Variants in DGKI observed in about 807,000 individuals in gnomAD.
DGKI encodes diacylglycerol kinase iota, also known as DAG kinase iota.
Under a neutral mutation model 147.5 loss-of-function variants are expected in DGKI, and 55 were observed. The observed-to-expected ratio is 0.37, with a 90% CI of 0.30 to 0.47. The LOEUF is 0.47. Ranked by LOEUF, DGKI falls within the 20% of genes least tolerant of loss-of-function variation. The pLI is 1.00. For missense variants in DGKI, 1,007 were observed against 1,323.8 expected, an observed-to-expected ratio of 0.76 and a Z score of 3.71; for synonymous variants, 469 against 477.1, an observed-to-expected ratio of 0.98 and a Z score of 0.22.
intron 1 of DGKI, among the ~76,000 whole-genome samples, chr7:137,810,508 GGC>G (rs886142141): frequency 1.1e-4 from 17 of 152,286 alleles, no homozygotes; most frequent in African/African-American, 4.1e-4. Flanking sequence ...GGGACATCAA[GGC>G]CACACCTTGA....
At chr7:137,581,783 A>G in intron 15 of DGKI, 67 bp downstream of exon 15, 1 of 1,353,386 alleles carries the variant, frequency 7.4e-7, no homozygotes. Flanking sequence ...TACAAACAAA[A>G]GGGAACATGC....
intron 23 of DGKI, among the ~76,000 whole-genome samples, chr7:137,476,557 G>T (rs1815178581): frequency 6.6e-6 from 1 of 152,188 alleles, no homozygotes; most frequent in African/African-American, 2.4e-5. Context: ...TAGTTTTAGG[G>T]TTACCTGGAC....
rs143579208 is a variant in DGKI, at chr7:137,765,469, A to G, written c.402-75467T>C. ...TGTCTGCCACAAATTTGATGAGCAC[A>G]CTTCTTGTGCCCTCTTCCAACTTGC... On this transcript the variant is annotated intron_variant, in intron 1 of 32. Coordinates refer to ENST00000614521, the MANE Select transcript of DGKI (RefSeq NM_001321708.2). 2.0e-3 allele frequency among the ~76,000 whole-genome samples: 309 copies of G among 152,326 alleles called. 1 individual carries two copies. Among genetic ancestry groups the G allele is most frequent in the African/African-American group, 7.2e-3 (298 of 41,548 alleles).
intron 32 of DGKI, among the ~76,000 whole-genome samples, chr7:137,393,469 G>A (rs949802256): frequency 6.6e-6 from 1 of 152,140 alleles, no homozygotes; most frequent in Non-Finnish European, 1.5e-5. Context: ...TGCTGCTGTG[G>A]TCTGAGTGGC....
chr7:137,397,449 A>G, intron 30 of DGKI, 36 bp from the exon 31 acceptor site: 1 of 1,603,914 alleles, frequency 6.2e-7, no homozygotes, highest in Non-Finnish European at 8.5e-7. Flanking sequence ...CGTCAAAAAT[A>G]AGCTCAAAAA....
In DGKI at chr7:137,407,869, A is replaced by G. The variant is rs560949904; in HGVS notation, c.2920+6T>C. On this transcript the variant is annotated splice_donor_region_variant and intron_variant, in intron 30 of 32. Transcript: ENST00000614521. ...GATCCTTGGTAAGTTCACTATGCCTACTTACCGTGGTCAAGGATATATTTC... is the reference window on the plus strand; with the variant it reads ...GATCCTTGGTAAGTTCACTATGCCTGCTTACCGTGGTCAAGGATATATTTC... 34 of 1,613,898 alleles carry G rather than the reference A, an allele frequency of 2.1e-5. No homozygotes were observed. The Admixed American group carries it at 3.8e-4, about 18-fold the overall frequency.
chr7:137,455,475 T>C (rs1228602920), intron 27 of DGKI, among the ~76,000 whole-genome samples: 1 of 151,986 alleles, frequency 6.6e-6, no homozygotes, highest in Admixed American at 6.6e-5. Context: ...CCAAGAGCTG[T>C]GGGAGGTACT....
intron 27 of DGKI, among the ~76,000 whole-genome samples, chr7:137,462,560 A>G (rs1362757168): frequency 2.0e-5 from 3 of 152,162 alleles, no homozygotes; most frequent in Non-Finnish European, 2.9e-5. Flanking sequence ...TAATACTGAA[A>G]TTGCTTCTGG....
chr7:137,785,233 G>T (rs566136376), intron 1 of DGKI, among the ~76,000 whole-genome samples: 1 of 152,130 alleles, frequency 6.6e-6, no homozygotes, highest in Non-Finnish European at 1.5e-5. Flanking sequence ...CCATTAGTGA[G>T]ATTAACCAAG....
intron 1 of DGKI, among the ~76,000 whole-genome samples, chr7:137,785,951 C>T (rs1271562827): frequency 1.3e-5 from 2 of 152,036 alleles, no homozygotes; most frequent in Non-Finnish European, 2.9e-5. Flanking sequence ...TCAGCAAAAT[C>T]GGCATAGAAG....
At position 137,507,481 on chromosome 7, in the gene DGKI, C is replaced by T. The variant is rs115133946; in HGVS notation, c.2248+14385G>A. 3.5e-3 allele frequency among the ~76,000 whole-genome samples: 534 copies of T among 152,202 alleles called. 7 individuals are homozygous for T. The highest frequency in any genetic ancestry group is 0.012 in the African/African-American group (513 of 41,534). ...CTAAGTGGGCAACATAAGGAACATGCAACTCACTTAAAAAAAATCCTCTTA... is the reference window on the plus strand; with the variant it reads ...CTAAGTGGGCAACATAAGGAACATGTAACTCACTTAAAAAAAATCCTCTTA... On this transcript the variant is annotated intron_variant, in intron 21 of 32. Coordinates refer to ENST00000614521, the MANE Select transcript of DGKI (RefSeq NM_001321708.2).
chr7:137,488,411 C>T (rs1244483415), intron 21 of DGKI, among the ~76,000 whole-genome samples: 3 of 152,050 alleles, frequency 2.0e-5, no homozygotes, highest in African/African-American at 7.3e-5. Context: ...TATAAAATAT[C>T]CTACTTAGGT....
At chr7:137,678,245 G>C (rs183806401) in intron 3 of DGKI, among the ~76,000 whole-genome samples, 1 of 151,832 alleles carries the variant, frequency 6.6e-6, no homozygotes, top group Non-Finnish European at 1.5e-5. Flanking sequence ...CCTCCATAAG[G>C]AGACACTACC....
chr7:137,399,557 T>C (rs1395152596), intron 30 of DGKI, among the ~76,000 whole-genome samples: 1 of 152,204 alleles, frequency 6.6e-6, no homozygotes, highest in Non-Finnish European at 1.5e-5. Flanking sequence ...CTCAGCTCCT[T>C]GTTTATCACC....
intron 21 of DGKI, among the ~76,000 whole-genome samples, chr7:137,489,751 C>CA (rs1815695835): frequency 6.6e-6 from 1 of 152,064 alleles, no homozygotes; most frequent in Admixed American, 6.6e-5. Context: ...ATTAAATGTG[C>CA]AAAAATAGAA....
At chr7:137,477,799 G>A (rs1455037271) in intron 23 of DGKI, among the ~76,000 whole-genome samples, 2 of 152,220 alleles carry the variant, frequency 1.3e-5, no homozygotes, top group South Asian at 2.1e-4. Context: ...TGGGACTACA[G>A]GCACATGCTA....
chr7:137,835,154 G>C (rs1055799662), intron 1 of DGKI, among the ~76,000 whole-genome samples: 6 of 152,122 alleles, frequency 3.9e-5, no homozygotes, highest in African/African-American at 1.4e-4. Context: ...AATACCCTTA[G>C]CATTCTAAAT....
intron 32 of DGKI, among the ~76,000 whole-genome samples, chr7:137,392,831 C>A (rs1483048862): frequency 7.1e-6 from 1 of 140,040 alleles, no homozygotes; most frequent in Non-Finnish European, 1.6e-5. Context: ...GAGAAATTCT[C>A]AGGATGCTGC....
intron 3 of DGKI, among the ~76,000 whole-genome samples, chr7:137,659,175 A>G (rs1249840898): frequency 6.6e-6 from 1 of 152,150 alleles, no homozygotes; most frequent in African/African-American, 2.4e-5. Context: ...AATTTCCTAA[A>G]TGGCAGCTTC....
Sources: gnomAD v4.1 joint callset for allele counts (sites outside exome capture counted in the v4.1 genomes callset) on GRCh38, gnomAD v4.1.1 for gene constraint, MANE v1.5 for transcripts, NCBI Gene and HGNC (gene_info 2026-07-23, HGNC 2026-07-21) for gene names.